POLK: variants seen among roughly 807,000 people sequenced by gnomAD.
POLK encodes DNA polymerase kappa.
POLK carries 76 observed loss-of-function variants against 94.0 expected under a neutral mutation model. The observed-to-expected ratio is 0.81, with a 90% CI of 0.67 to 0.98. The LOEUF is 0.98. Among genes scored for constraint, POLK ranks in the 50% least tolerant of loss-of-function variants. POLK has a pLI of 0.00. For missense variants in POLK, 954 were observed against 1,010.1 expected, an observed-to-expected ratio of 0.94 and a Z score of 0.75; for synonymous variants, 349 against 325.4, an observed-to-expected ratio of 1.07 and a Z score of -0.78.
intron 3 of POLK, among the ~76,000 whole-genome samples, chr5:75,566,310 C>T (rs984598753): frequency 6.6e-6 from 1 of 152,174 alleles, no homozygotes; most frequent in Non-Finnish European, 1.5e-5. Flanking sequence ...GCTCCGTGGG[C>T]GTGGGATCCG....
At chr5:75,541,310 A>AAAAAAC (rs1000387704) in intron 1 of POLK, among the ~76,000 whole-genome samples, 10 of 152,118 alleles carry the variant, frequency 6.6e-5, no homozygotes, top group Non-Finnish European at 1.2e-4. Context: ...AAAAAAAACC[A>AAAAAAC]AAAAACAAAA....
At chr5:75,568,708 A>G (rs546601943) in intron 3 of POLK, 15 of 440,024 alleles carry the variant, frequency 3.4e-5, no homozygotes, top group African/African-American at 2.2e-4. Context: ...TATAAAAGCA[A>G]TTCTACAGAG....
At chr5:75,576,922 C>G (rs771091455) in exon 6 of POLK, 1 of 1,549,516 alleles carries the variant, frequency 6.5e-7, no homozygotes, top group Non-Finnish European at 8.7e-7. Flanking sequence ...ATGGGAAGCT[C>G]TGTAGAAAAT....
At chr5:75,596,953 G>A (rs143539365) in exon 13 of POLK, 388 of 1,613,516 alleles carry the variant, frequency 2.4e-4, no homozygotes, top group Admixed American at 2.7e-4. Flanking sequence ...ATTGGAAAAC[G>A]AAGATGTTGG....
At chr5:75,604,997 A>G (rs1773384713), downstream of POLK, among the ~76,000 whole-genome samples, 1 of 152,062 alleles carries the variant, frequency 6.6e-6, no homozygotes. Flanking sequence ...TTACTTTGTA[A>G]CTGCTGCTGT....
chr5:75,559,293 T>C (rs1770818939), intron 3 of POLK, among the ~76,000 whole-genome samples: 1 of 152,168 alleles, frequency 6.6e-6, no homozygotes, highest in Admixed American at 6.5e-5. Context: ...GGCATGAACC[T>C]CTAGGGTGTT....
chr5:75,579,380 A>AT (rs1772083660), intron 6 of POLK, among the ~76,000 whole-genome samples: 1 of 145,486 alleles, frequency 6.9e-6, no homozygotes, highest in Non-Finnish European at 1.5e-5. Flanking sequence ...ATTTTTTTTT[A>AT]TTTTTTTGAG....
At chr5:75,541,517 A>T (rs2112611566) in intron 1 of POLK, among the ~76,000 whole-genome samples, 1 of 152,308 alleles carries the variant, frequency 6.6e-6, no homozygotes, top group South Asian at 2.1e-4. Context: ...CACTAGAACC[A>T]ATTAAATGAA....
rs78885714 is a variant in POLK, at chr5:75,527,819, T to C, written c.-14+15905T>C. Among the ~76,000 whole-genome samples, 503 of 152,288 alleles carry C rather than the reference T, an allele frequency of 3.3e-3. 2 individuals carry two copies. The highest frequency in any genetic ancestry group is 0.031 in the East Asian group (162 of 5,192). On this transcript the variant is annotated intron_variant, in intron 1 of 14. Transcript: ENST00000241436. ...TGTTGCTTTTAAAATGTCTGTCTTATTAAGACCAGTGCCTAAAAATTTATA... is the reference window on the plus strand; with the variant it reads ...TGTTGCTTTTAAAATGTCTGTCTTACTAAGACCAGTGCCTAAAAATTTATA...
At chr5:75,607,244 A>G in the POLK span, among the ~76,000 whole-genome samples, 2 of 152,074 alleles carry the variant, frequency 1.3e-5, no homozygotes, top group African/African-American at 4.8e-5. Flanking sequence ...AGGCGGGTGG[A>G]TCACCTGAGG....
intron 3 of POLK, among the ~76,000 whole-genome samples, chr5:75,556,203 A>T (rs138754357): frequency 6.6e-6 from 1 of 152,164 alleles, no homozygotes; most frequent in African/African-American, 2.4e-5. Flanking sequence ...AATTTTGGCT[A>T]TTCTAATATG....
Position 75,517,454 on chromosome 5 carries a change from A to G in POLK, c.-14+5540A>G, listed in dbSNP as rs183881646. On this transcript the variant is annotated intron_variant, in intron 1 of 14. Transcript: ENST00000241436. ...AATAAATCAAGAAAGCAATCTAAAT[A>G]AAAAAAAGTCTGTACTGACTTTTGT... 9.7e-4 allele frequency among the ~76,000 whole-genome samples: 147 copies of G among 152,142 alleles called. 2 individuals are homozygous for G. Among genetic ancestry groups the G allele is most frequent in the East Asian group, 1.9e-3 (10 of 5,186 alleles).
chr5:75,578,132 A>G (rs766154542), intron 6 of POLK, among the ~76,000 whole-genome samples: 15 of 152,240 alleles, frequency 9.9e-5, no homozygotes, highest in Non-Finnish European at 1.9e-4. Flanking sequence ...ATTGGGATTA[A>G]AGTAAATGTT....
At chr5:75,537,987 G>C (rs1240425287) in intron 1 of POLK, among the ~76,000 whole-genome samples, 3 of 152,014 alleles carry the variant, frequency 2.0e-5, no homozygotes, top group African/African-American at 7.3e-5. Flanking sequence ...CGCCCGAGTA[G>C]CTGGGACTAC....
intron 1 of POLK, among the ~76,000 whole-genome samples, chr5:75,542,143 G>A (rs1769772408): frequency 6.6e-6 from 1 of 152,036 alleles, no homozygotes; most frequent in Non-Finnish European, 1.5e-5. Flanking sequence ...TTAAATATTT[G>A]AATATTTGGG....
chr5:75,558,909 C>G, intron 3 of POLK, among the ~76,000 whole-genome samples: 1 of 152,054 alleles, frequency 6.6e-6, no homozygotes, highest in South Asian at 2.1e-4. Flanking sequence ...AGCTCATATC[C>G]TTAAATATAC....
intron 3 of POLK, among the ~76,000 whole-genome samples, chr5:75,563,947 C>T (rs560006737): frequency 1.3e-5 from 2 of 152,190 alleles, no homozygotes; most frequent in East Asian, 1.9e-4. Flanking sequence ...CCTGAATATC[C>T]ATGTTAATTT....
intron 1 of POLK, among the ~76,000 whole-genome samples, chr5:75,513,990 T>G (rs577874136): frequency 2.3e-4 from 35 of 152,298 alleles, no homozygotes; most frequent in South Asian, 1.9e-3. Context: ...TTCCTGTTTT[T>G]TTCTAACCTT....
chr5:75,513,474 T>C (rs529298473), intron 1 of POLK, among the ~76,000 whole-genome samples: 4 of 152,298 alleles, frequency 2.6e-5, no homozygotes, highest in Admixed American at 2.6e-4. Context: ...CTTGAGAATA[T>C]GTCAGATCTC....
Sources: allele counts gnomAD v4.1 joint callset (sites outside exome capture counted in the v4.1 genomes callset), GRCh38; gene constraint gnomAD v4.1.1; transcripts MANE v1.5; gene names NCBI Gene and HGNC (gene_info 2026-07-23, HGNC 2026-07-21).